THAP5: variants seen among roughly 807,000 people sequenced by gnomAD.
THAP5 encodes the protein THAP domain containing 5, also known as THAP domain-containing protein 5.
In THAP5, 26 loss-of-function variants were observed where a neutral mutation model predicts 34.0. The ratio of observed to expected loss-of-function variants is 0.77; its 90% confidence interval spans 0.56 to 1.06. The LOEUF is 1.06. Among genes scored for constraint, THAP5 ranks in the 50% least tolerant of loss-of-function variants. The probability of loss-of-function intolerance (pLI) is 0.00; values close to 1 mark genes in which losing one functional copy is unlikely to be tolerated. For missense variants in THAP5, 394 were observed against 452.8 expected, an observed-to-expected ratio of 0.87 and a Z score of 1.18; for synonymous variants, 125 against 153.0, an observed-to-expected ratio of 0.82 and a Z score of 1.35.
intron 1 of THAP5, chr7:108,569,134 T>G: frequency 9.1e-7 from 1 of 1,092,952 alleles, no homozygotes; most frequent in South Asian, 3.1e-5. Context: ...GCGTGCACCT[T>G]TCCACTTCGC....
the THAP5 span, among the ~76,000 whole-genome samples, chr7:108,542,370 A>C: frequency 6.6e-6 from 1 of 152,192 alleles, no homozygotes; most frequent in Non-Finnish European, 1.5e-5. Flanking sequence ...GAAACTTAGT[A>C]GTTGAAAAAA....
At chr7:108,554,112 AG>A (rs1864370745), downstream of THAP5, among the ~76,000 whole-genome samples, 2 of 152,222 alleles carry the variant, frequency 1.3e-5, no homozygotes, top group Admixed American at 1.3e-4. Flanking sequence ...GCAGCAAGAA[AG>A]TCCTATCAGA....
In THAP5 at chr7:108,566,041, A is replaced by G. The variant is rs1259205497; in HGVS notation, c.81-19T>C. 6.7e-7 allele frequency: 1 copy of G among 1,491,832 alleles called. No homozygotes were observed. Among genetic ancestry groups the G allele is most frequent in the East Asian group, 2.5e-5 (1 of 40,428 alleles). 92.4% of individuals were successfully genotyped at this position (1,491,832 alleles called of 1,614,324 possible). A position where few individuals can be genotyped will look rare whatever the true frequency, so the allele number is the denominator to read the frequency against. ...AGGAAATCTGGAATTTAAAAAAAAAAGAAGAAAAAAGGAAAAACTTTGCTA... is the reference window on the plus strand; with the variant it reads ...AGGAAATCTGGAATTTAAAAAAAAAGGAAGAAAAAAGGAAAAACTTTGCTA... On this transcript the variant is annotated intron_variant, in intron 1 of 2. Coordinates refer to ENST00000415914, the MANE Select transcript of THAP5 (RefSeq NM_001130475.3).
At chr7:108,567,861 C>T (rs959524930) in intron 1 of THAP5, among the ~76,000 whole-genome samples, 1 of 152,144 alleles carries the variant, frequency 6.6e-6, no homozygotes, top group African/African-American at 2.4e-5. Context: ...TTCACATTTT[C>T]AGTGAAAAAA....
downstream of THAP5, among the ~76,000 whole-genome samples, chr7:108,553,322 C>T (rs1314858516): frequency 6.6e-6 from 1 of 152,068 alleles, no homozygotes; most frequent in East Asian, 1.9e-4. Context: ...GCATTACAGG[C>T]ACTGAGCCAG....
chr7:108,559,758 G>C (rs1282072551), downstream of THAP5, among the ~76,000 whole-genome samples: 8 of 152,100 alleles, frequency 5.3e-5, no homozygotes, highest in African/African-American at 1.9e-4. Context: ...TGGCAGGAGA[G>C]AGAGAGAGTG....
At chr7:108,558,694 C>A (rs1394155417), downstream of THAP5, among the ~76,000 whole-genome samples, 1 of 151,736 alleles carries the variant, frequency 6.6e-6, no homozygotes, top group African/African-American at 2.4e-5. Context: ...CCGTGCCTGA[C>A]CTCTAATTTT....
chr7:108,554,245 A>T (rs1222489967), downstream of THAP5, among the ~76,000 whole-genome samples: 1 of 152,200 alleles, frequency 6.6e-6, no homozygotes, highest in Admixed American at 6.5e-5. Flanking sequence ...CAGCAGCATA[A>T]ATTGGATGAA....
At chr7:108,544,560 G>A in the THAP5 span, among the ~76,000 whole-genome samples, 3 of 150,802 alleles carry the variant, frequency 2.0e-5, no homozygotes, top group Non-Finnish European at 4.4e-5. Flanking sequence ...AAACAAAGAA[G>A]GTCATTGATA....
Position 108,567,678 on chromosome 7 carries a change from A to G in THAP5, c.81-1656T>C, listed in dbSNP as rs140845878. Among the ~76,000 whole-genome samples, 238 of 152,348 alleles carry G rather than the reference A, an allele frequency of 1.6e-3. 1 individual carries two copies. Among genetic ancestry groups the G allele is most frequent in the African/African-American group, 5.4e-3 (226 of 41,584 alleles). ...CACAGTACAAACTGGACACTATATT[A>G]ACTGAATTCCCAAATTCATATACAT... On this transcript the variant is annotated intron_variant, in intron 1 of 2. Coordinates refer to ENST00000415914, the MANE Select transcript of THAP5 (RefSeq NM_001130475.3).
intron 1 of THAP5, among the ~76,000 whole-genome samples, chr7:108,555,411 A>C (rs1389576964): frequency 6.6e-6 from 1 of 151,976 alleles, no homozygotes; most frequent in Non-Finnish European, 1.5e-5. Context: ...CAAGCGATGC[A>C]CCCACCTCAG....
At chr7:108,550,714 T>C (rs906918955), downstream of THAP5, among the ~76,000 whole-genome samples, 2 of 152,232 alleles carry the variant, frequency 1.3e-5, no homozygotes, top group Non-Finnish European at 2.9e-5. Flanking sequence ...AGGATGCCCT[T>C]GCATCCCTCA....
intron 1 of THAP5, 23 bp from the exon 2 acceptor site, chr7:108,566,045 G>T: frequency 6.7e-7 from 1 of 1,484,872 alleles, no homozygotes; most frequent in Non-Finnish European, 8.9e-7. Context: ...AAAAAAAGAA[G>T]AAAAAAGGAA....
At chr7:108,558,902 A>T (rs1043758223), downstream of THAP5, among the ~76,000 whole-genome samples, 25 of 152,182 alleles carry the variant, frequency 1.6e-4, no homozygotes, top group African/African-American at 6.0e-4. Flanking sequence ...CACTCAACAT[A>T]TTTTGCTTGC....
downstream of THAP5, among the ~76,000 whole-genome samples, chr7:108,549,594 G>T (rs577658388): frequency 6.6e-6 from 1 of 152,216 alleles, no homozygotes; most frequent in Non-Finnish European, 1.5e-5. Context: ...AATATACATT[G>T]TGTAAGTGGT....
intron 1 of THAP5, among the ~76,000 whole-genome samples, 152 bp from the exon 2 acceptor site, chr7:108,566,174 C>T (rs998174993): frequency 1.3e-5 from 2 of 152,214 alleles, no homozygotes; most frequent in African/African-American, 4.8e-5. Context: ...AGAGCATCTT[C>T]ATGACAACTA....
chr7:108,567,835 T>A (rs1330263982), intron 1 of THAP5, among the ~76,000 whole-genome samples: 1 of 152,238 alleles, frequency 6.6e-6, no homozygotes, highest in East Asian at 1.9e-4. Flanking sequence ...CTAGAAATAA[T>A]ACAACTTTTA....
chr7:108,561,133 C>A (rs1373546087), downstream of THAP5, among the ~76,000 whole-genome samples: 1 of 152,132 alleles, frequency 6.6e-6, no homozygotes, highest in Non-Finnish European at 1.5e-5. Flanking sequence ...AGTTTCTGTT[C>A]CTTGCAACCA....
exon 2 of THAP5, chr7:108,554,819 G>A (rs1247736525): frequency 6.6e-6 from 1 of 152,082 alleles, no homozygotes; most frequent in Non-Finnish European, 1.5e-5. Context: ...TCTGGTGTAT[G>A]TCCCCCTTCT....
Sources: allele counts gnomAD v4.1 joint callset (sites outside exome capture counted in the v4.1 genomes callset), GRCh38; gene constraint gnomAD v4.1.1; transcripts MANE v1.5; gene names NCBI Gene and HGNC (gene_info 2026-07-23, HGNC 2026-07-21).